The following PCDHGA9 variants were observed in gnomAD, a reference collection of about 807,000 sequenced individuals.
PCDHGA9 encodes the protein protocadherin gamma subfamily A, 9.
PCDHGA9 carries 37 observed loss-of-function variants against 62.5 expected under a neutral mutation model. The observed-to-expected ratio is 0.59, with a 90% confidence interval of 0.46 to 0.78. The LOEUF is 0.78. Ranked by LOEUF, PCDHGA9 falls within the 30% of genes least tolerant of loss-of-function variation. The pLI is 0.00. For synonymous variants in PCDHGA9, 459 were observed against 484.6 expected (o/e 0.95, Z 0.69); for missense variants, 1,138 against 1,166.2 (o/e 0.98, Z 0.35).
intron 2 of PCDHGA9, 106 bp downstream of exon 2, chr5:141,494,971 C>T (rs1244836841): frequency 1.3e-6 from 2 of 1,583,382 alleles, no homozygotes; most frequent in African/African-American, 1.3e-5. Context: ...ATGGCTTCTC[C>T]CTCAGTTTGA....
intron 1 of PCDHGA9, among the ~76,000 whole-genome samples, chr5:141,438,598 AT>A (rs1433028092): frequency 6.7e-5 from 2 of 29,776 alleles, no homozygotes; most frequent in Non-Finnish European, 1.4e-4. Context: ...ATACATATAT[AT>A]ATATATATAT....
rs116187844 is a variant in PCDHGA9, at chr5:141,424,198, C to T, written c.2424+18822C>T. The T allele has an allele frequency of 8.5e-3, 1,543 of 182,010 alleles. 28 individuals are homozygous for T. Among genetic ancestry groups the T allele is most frequent in the African/African-American group, 0.035 (1,445 of 41,852 alleles). The allele number at this position is 182,010 out of a possible 1,614,324, so 11.3% of individuals were successfully genotyped here. ...ATACACATGCACACACACTTATACA[C>T]GTAAGCTTTTCTCTGAGCAATTTTA... On this transcript the variant is annotated intron_variant, in intron 1 of 3. Coordinates refer to ENST00000573521, the MANE Select transcript of PCDHGA9 (RefSeq NM_018921.3).
At chr5:141,410,182 T>G in intron 1 of PCDHGA9, 1 of 1,613,868 alleles carries the variant, frequency 6.2e-7, no homozygotes, top group Non-Finnish European at 8.5e-7. Flanking sequence ...CCGCCACGCT[T>G]CATCTGGTCT....
chr5:141,470,707 TA>T (rs1207543665), intron 1 of PCDHGA9, among the ~76,000 whole-genome samples: 1 of 152,164 alleles, frequency 6.6e-6, no homozygotes, highest in African/African-American at 2.4e-5. Flanking sequence ...ATTTTTATTT[TA>T]TTTTTTTGAG....
In PCDHGA9 at chr5:141,432,872, C is replaced by A. The variant is rs73280906; in HGVS notation, c.2424+27496C>A. The stretch of plus-strand genomic sequence containing the variant: ...GGTGGCCGCGGTCTCCTGCGTCTTC[C>A]TGGCCTTCGTCATCTTGCTGCTGGC... On this transcript the variant is annotated intron_variant, in intron 1 of 3. Transcript: ENST00000573521. The surrounding 1 kb of genome is among the most constrained non-coding windows in gnomAD (Gnocchi z 6.0). 2,361 of 1,614,192 alleles carry A rather than the reference C, an allele frequency of 1.5e-3. 32 individuals carry two copies. In the African/African-American group the frequency reaches 0.028, roughly 19 times the overall value.
chr5:141,433,354 T>TCTGC, intron 1 of PCDHGA9: 2 of 602,322 alleles, frequency 3.3e-6, no homozygotes, highest in South Asian at 2.1e-5. Context: ...CCACCTACTG[T>TCTGC]CTGCCTATCT....
At chr5:141,417,982 G>A (rs756382601) in intron 1 of PCDHGA9, 4 of 1,613,886 alleles carry the variant, frequency 2.5e-6, no homozygotes, top group Admixed American at 3.3e-5. Flanking sequence ...CGGAGGAGCT[G>A]GCCAAGGGCT....
chr5:141,418,914 T>C (rs1200050684), intron 1 of PCDHGA9: 4 of 1,613,964 alleles, frequency 2.5e-6, no homozygotes, highest in East Asian at 2.2e-5. Context: ...ATCACGTCAC[T>C]CTCTGATCAG....
Position 141,403,985 on chromosome 5 carries a change from C to T in PCDHGA9, c.1033C>T (p.Pro345Ser), listed in dbSNP as rs765326042. The T allele has an allele frequency of 5.7e-5, 92 of 1,613,546 alleles. No individual in the cohort carries two copies. The Admixed American group carries it at 7.2e-4, about 13-fold the overall frequency. Residue 345 changes from proline (P) to serine (S), a missense_variant, in exon 1 of 4, where the codon CCT becomes TCT. Physicochemically the swap from Pro to Ser is moderately conservative, Grantham distance 74 (BLOSUM62 -1). Coordinates refer to ENST00000573521, the MANE Select transcript of PCDHGA9 (RefSeq NM_018921.3). ...ISVEDVNDNRPEVTITSLFSP... is the reference protein window; with the variant it reads ...ISVEDVNDNRSEVTITSLFSP... ...GGTGGAAGATGTAAATGACAATAGA[C>T]CTGAAGTGACCATTACATCTCTGTT...
chr5:141,419,715 TG>T (rs754309862), intron 1 of PCDHGA9: 1 of 1,613,288 alleles, frequency 6.2e-7, no homozygotes, highest in South Asian at 1.1e-5. Flanking sequence ...CTCTTCAGCC[TG>T]GGGCTGCGAA....
At position 141,403,028 on chromosome 5, in the gene PCDHGA9, G is replaced by A. The variant is rs1396801327; in HGVS notation, c.76G>A (p.Ala26Thr). The A allele has an allele frequency of 6.2e-7, 1 of 1,614,074 alleles. No individual in the cohort carries two copies. Among genetic ancestry groups the A allele is most frequent in the Admixed American group, 1.7e-5 (1 of 60,036 alleles). ...CTCGCTCCTGGGGATGCTATGGGAG[G>A]CCAGGGCCAGTCAGATTCGCTACTC... Reference protein sequence around the residue: ...LCSLLGMLWEARASQIRYSVP... With the variant: ...LCSLLGMLWETRASQIRYSVP... The change falls in exon 1 of 4, where the codon GCC becomes ACC. Residue 26 changes from alanine to threonine, a missense_variant. Transcript: ENST00000573521.
Position 141,481,556 on chromosome 5 carries a change from G to A in PCDHGA9, c.2425-13251G>A, listed in dbSNP as rs553126587. Among the ~76,000 whole-genome samples the A allele has an allele frequency of 1.2e-4, 18 of 152,266 alleles. No homozygotes were observed. The South Asian group carries it at 1.4e-3, about 12-fold the overall frequency. On this transcript the variant is annotated intron_variant, in intron 1 of 3. Coordinates refer to ENST00000573521, the MANE Select transcript of PCDHGA9 (RefSeq NM_018921.3). ...GATGGGGCTGGGCTCAGTGGCTCAC[G>A]CCTGTAATCCCAGTACTTAGGGAGG...
chr5:141,463,308 A>G (rs1233755540), intron 1 of PCDHGA9, among the ~76,000 whole-genome samples: 1 of 151,660 alleles, frequency 6.6e-6, no homozygotes, highest in Admixed American at 6.6e-5. Context: ...CCAAACTCTA[A>G]TATCTATTCC....
intron 1 of PCDHGA9, among the ~76,000 whole-genome samples, chr5:141,442,843 G>C (rs1264073611): frequency 2.0e-5 from 3 of 152,134 alleles, no homozygotes; most frequent in African/African-American, 7.2e-5. Flanking sequence ...GACAAATCTT[G>C]GCCATTGTAG....
intron 1 of PCDHGA9, chr5:141,416,429 G>A (rs952059043): frequency 1.3e-5 from 2 of 152,144 alleles, no homozygotes; most frequent in African/African-American, 4.8e-5. Flanking sequence ...AGTGACTAAG[G>A]CTGAAAGTAA....
At chr5:141,449,252 T>C (rs1401555556) in intron 1 of PCDHGA9, among the ~76,000 whole-genome samples, 1 of 152,144 alleles carries the variant, frequency 6.6e-6, no homozygotes, top group Non-Finnish European at 1.5e-5. Flanking sequence ...GTTGCAAGAA[T>C]TGTACAAAGA....
In PCDHGA9 at chr5:141,403,683, A is replaced by G. The variant is rs757429628; in HGVS notation, c.731A>G (p.Gln244Arg). 2.5e-6 allele frequency: 4 copies of G among 1,613,804 alleles called. No individual in the cohort carries two copies. The highest frequency in any genetic ancestry group is 1.7e-6 in the Non-Finnish European group (2 of 1,179,888). ...DTNDNAPVFA[Q>R]RIYRVKVLEN... is the part of the protein sequence containing the mutation. ...AATGATAATGCCCCGGTTTTTGCTC[A>G]ACGGATTTACCGAGTTAAAGTCCTT... The change falls in exon 1 of 4, where the codon CAA (glutamine) becomes CGA (arginine). Residue 244 changes from glutamine (Q) to arginine (R), a missense_variant. Physicochemically the swap from Gln to Arg is conservative, Grantham distance 43. Transcript: ENST00000573521.
At chr5:141,416,553 ACT>A (rs932477065) in intron 1 of PCDHGA9, 2 of 152,100 alleles carry the variant, frequency 1.3e-5, no homozygotes, top group Non-Finnish European at 2.9e-5. Context: ...AACACCTGAA[ACT>A]CTGAAAACTC....
Position 141,485,785 on chromosome 5 carries a change from G to C in PCDHGA9, c.2425-9022G>C. ...TGGAGAAGCCTTTGGATCGAGAGAAGCAATCGGACTACCGCCTGGTGCTGA... is the reference window on the plus strand; with the variant it reads ...TGGAGAAGCCTTTGGATCGAGAGAACCAATCGGACTACCGCCTGGTGCTGA... On this transcript the variant is annotated intron_variant, in intron 1 of 3. Coordinates refer to ENST00000573521, the MANE Select transcript of PCDHGA9 (RefSeq NM_018921.3). The surrounding 1 kb of genome is among the most constrained non-coding windows in gnomAD (Gnocchi z 5.7). The C allele has an allele frequency of 1.2e-6, 2 of 1,614,214 alleles. No individual in the cohort carries two copies. The highest frequency in any genetic ancestry group is 1.7e-6 in the Non-Finnish European group (2 of 1,180,030).
Sources: allele counts gnomAD v4.1 joint callset (sites outside exome capture counted in the v4.1 genomes callset), GRCh38; gene constraint gnomAD v4.1.1; non-coding constraint Gnocchi (gnomAD v3.1); transcripts MANE v1.5; gene names NCBI Gene and HGNC (gene_info 2026-07-23, HGNC 2026-07-21).